KIAA0319L: variants seen among roughly 807,000 people sequenced by gnomAD.
KIAA0319L encodes the protein KIAA0319 like.
A neutral mutation model predicts 120.1 loss-of-function variants in KIAA0319L; 55 were observed. The observed-to-expected ratio is 0.46, with a 90% CI of 0.37 to 0.57. KIAA0319L has a LOEUF of 0.57. Among genes scored for constraint, KIAA0319L ranks in the 20% least tolerant of loss-of-function variants. The pLI is 0.00. For missense variants in KIAA0319L, 1,049 were observed against 1,255.3 expected, an observed-to-expected ratio of 0.84 and a Z score of 2.48; for synonymous variants, 398 against 471.9, an observed-to-expected ratio of 0.84 and a Z score of 2.03.
chr1:35,497,476 G>A (rs1644853769), intron 3 of KIAA0319L, among the ~76,000 whole-genome samples: 1 of 152,166 alleles, frequency 6.6e-6, no homozygotes, highest in Admixed American at 6.5e-5. Flanking sequence ...GAGAGGGACA[G>A]ATTACAAAGC....
rs543303952 is a variant in KIAA0319L, at chr1:35,464,435, C to T, written c.1202-1722G>A. On this transcript the variant is annotated intron_variant, in intron 7 of 20. Coordinates refer to ENST00000325722, the MANE Select transcript of KIAA0319L (RefSeq NM_024874.5). ...CCCTAGAGATCTGCAGAACTTTGAA[C>T]TTGAGAGATGATTTAGGGAATCTGG... 2.6e-5 allele frequency among the ~76,000 whole-genome samples: 4 copies of T among 152,248 alleles called. No homozygotes were observed. The East Asian group carries it at 7.7e-4, about 29-fold the overall frequency.
At chr1:35,518,977 CAAAAAAAAAAA>C (rs766877681) in intron 2 of KIAA0319L, among the ~76,000 whole-genome samples, 7 of 59,780 alleles carry the variant, frequency 1.2e-4, no homozygotes, top group African/African-American at 2.8e-4. Flanking sequence ...GACTCTGTCT[CAAAAAAAAAAA>C]AAAAAAAAAG....
chr1:35,496,342 C>G (rs1430530123), intron 3 of KIAA0319L, among the ~76,000 whole-genome samples: 1 of 152,122 alleles, frequency 6.6e-6, no homozygotes, highest in African/African-American at 2.4e-5. Flanking sequence ...ATCTCTTAAA[C>G]CCAGGAAGCG....
rs34021272 is a variant in KIAA0319L at position 35,452,825 on chromosome 1, TCAAACAAACAAACAAA to T, written c.1913+716_1913+731del. 1.7e-4 allele frequency among the ~76,000 whole-genome samples: 26 copies of T among 151,450 alleles called. 1 individual carries two copies. In the East Asian group the frequency reaches 4.7e-3, roughly 27 times the overall value. On this transcript the variant is annotated intron_variant, in intron 12 of 20. Transcript: ENST00000325722. Reference sequence around the variant, plus strand: ...TTTCCACCCATCTCCAATGCCTTTGTCAAACAAACAAACAAACAAACAAACAAACAAACACAATACA... The same window carrying T: ...TTTCCACCCATCTCCAATGCCTTTGTCAAACAAACAAACAAACACAATACA...
At chr1:35,484,939 A>C (rs924559247) in intron 3 of KIAA0319L, among the ~76,000 whole-genome samples, 6 of 142,922 alleles carry the variant, frequency 4.2e-5, no homozygotes, top group African/African-American at 7.6e-5. Context: ...ATATCTCCCA[A>C]TGCTATCCCT....
intron 3 of KIAA0319L, among the ~76,000 whole-genome samples, chr1:35,493,162 C>T (rs964708942): frequency 1.3e-5 from 2 of 151,978 alleles, no homozygotes; most frequent in South Asian, 4.1e-4. Context: ...ATACAAAATG[C>T]TAACAGAATG....
intron 2 of KIAA0319L, among the ~76,000 whole-genome samples, chr1:35,530,857 C>T (rs562073737): frequency 3.9e-5 from 6 of 152,278 alleles, no homozygotes; most frequent in South Asian, 2.1e-4. Flanking sequence ...CATCCAGCAA[C>T]GAACACCATC....
At chr1:35,537,101 A>G (rs1455586379) in intron 2 of KIAA0319L, among the ~76,000 whole-genome samples, 1 of 152,146 alleles carries the variant, frequency 6.6e-6, no homozygotes, top group Non-Finnish European at 1.5e-5. Context: ...TAACAGATAA[A>G]CTTTTGCCTA....
intron 1 of KIAA0319L, chr1:35,556,852 A>G (rs1648156288): frequency 6.6e-6 from 1 of 151,848 alleles, no homozygotes; most frequent in African/African-American, 2.4e-5. Context: ...ATTCTGCACC[A>G]ACTTTCTATC....
Position 35,479,128 on chromosome 1 carries a change from G to A in KIAA0319L, c.751C>T (p.Gln251Ter). 1.2e-6 allele frequency: 2 copies of A among 1,614,142 alleles called. No homozygotes were observed. Among genetic ancestry groups the A allele is most frequent in the Non-Finnish European group, 1.7e-6 (2 of 1,179,988 alleles). Residue 251 changes from glutamine to a stop codon, truncating the protein, a stop_gained, in exon 4 of 21, where the codon CAA becomes TAA. Transcript: ENST00000325722. LOFTEE classifies it high-confidence loss of function. ...LSGGPKNVSV[Q>*]PEISEGLATT... The stretch of plus-strand genomic sequence containing the variant: ...GCAAGACCCTCTGATATTTCAGGTT[G>A]CACTGATACATTCTTTGGCCCACCA...
Position 35,477,434 on chromosome 1 carries a change from A to G in KIAA0319L, c.913+1532T>C, listed in dbSNP as rs187835545. On this transcript the variant is annotated intron_variant, in intron 4 of 20. Coordinates refer to ENST00000325722, the MANE Select transcript of KIAA0319L (RefSeq NM_024874.5). ...TGTAATCCCAGCACTTTGGGAGGCC[A>G]AGGCGGACGGATCACAAGGTCAGGA... 3.2e-3 allele frequency among the ~76,000 whole-genome samples: 489 copies of G among 152,218 alleles called. 8 individuals carry two copies. The East Asian group carries it at 0.039, about 12-fold the overall frequency.
chr1:35,522,214 CCA>C (rs1645950806), intron 2 of KIAA0319L, among the ~76,000 whole-genome samples: 1 of 151,964 alleles, frequency 6.6e-6, no homozygotes, highest in Admixed American at 6.6e-5. Flanking sequence ...GGAGGGGAAG[CCA>C]GGTGACTGAA....
At chr1:35,454,588 T>C in intron 10 of KIAA0319L, 103 bp from the exon 11 acceptor site, 1 of 1,526,960 alleles carries the variant, frequency 6.5e-7, no homozygotes, top group East Asian at 2.3e-5. Context: ...ACCAAAGACC[T>C]AAGATGGTAC....
chr1:35,534,858 C>CAAAAAAAAAAAAAAAAAAAA (rs779838672), intron 2 of KIAA0319L, among the ~76,000 whole-genome samples: 2 of 42,620 alleles, frequency 4.7e-5, no homozygotes, highest in Admixed American at 2.8e-4. Flanking sequence ...GACTCCGTCT[C>CAAAAAAAAAAAAAAAAAAAA]AAAAAAAAAA....
rs557376796 is a variant in KIAA0319L at position 35,437,915 on chromosome 1, T to A, written c.2963-2834A>T. 2.0e-5 allele frequency among the ~76,000 whole-genome samples: 3 copies of A among 152,156 alleles called. No individual in the cohort carries two copies. The highest frequency in any genetic ancestry group is 4.4e-5 in the Non-Finnish European group (3 of 68,028). ...GAGGTTCTGATTCTGTCAACAGCAC[T>A]ATCATTCTCCATCTCTCGGTTGGAA... On this transcript the variant is annotated intron_variant, in intron 20 of 20. Coordinates refer to ENST00000325722, the MANE Select transcript of KIAA0319L (RefSeq NM_024874.5). The surrounding 1 kb of genome is among the most constrained non-coding windows in gnomAD (Gnocchi z 4.1).
chr1:35,435,176 G>C (rs1456292224), intron 20 of KIAA0319L, 95 bp from the exon 21 acceptor site: 3 of 1,131,816 alleles, frequency 2.7e-6, no homozygotes, highest in Non-Finnish European at 3.9e-6. Flanking sequence ...CAAGGAACAG[G>C]GCAAGTCACA....
chr1:35,519,778 T>C (rs1645835256), intron 2 of KIAA0319L, among the ~76,000 whole-genome samples: 1 of 152,224 alleles, frequency 6.6e-6, no homozygotes, highest in African/African-American at 2.4e-5. Flanking sequence ...TAGATGAGAT[T>C]ATTCAGGAAG....
intron 7 of KIAA0319L, 63 bp downstream of exon 7, chr1:35,466,545 C>A: frequency 9.1e-7 from 1 of 1,093,258 alleles, no homozygotes; most frequent in Non-Finnish European, 1.4e-6. Flanking sequence ...CAAATCAAAT[C>A]TCTATCTCCT....
At chr1:35,503,371 CTGGTCCCTGGGCAGCAGCAT>C (rs1158486769) in intron 3 of KIAA0319L, among the ~76,000 whole-genome samples, 2 of 152,216 alleles carry the variant, frequency 1.3e-5, no homozygotes, top group Non-Finnish European at 2.9e-5. Context: ...GGCAGTGGTT[CTGGTCCCTGGGCAGCAGCAT>C]TGGCACACTC....
Sources: gnomAD v4.1 joint callset for allele counts (sites outside exome capture counted in the v4.1 genomes callset) on GRCh38, gnomAD v4.1.1 for gene constraint, Gnocchi (gnomAD v3.1) non-coding constraint, MANE v1.5 for transcripts, NCBI Gene and HGNC (gene_info 2026-07-23, HGNC 2026-07-21) for gene names.